Variants in LUZP2 observed in about 807,000 individuals in gnomAD.
The protein encoded by LUZP2 is leucine zipper protein 2.
LUZP2 carries 52 observed loss-of-function variants against 51.6 expected under a neutral mutation model. The observed-to-expected ratio is 1.01, with a 90% CI of 0.81 to 1.27. LUZP2 has a LOEUF of 1.27. LUZP2 is among the 50% of genes most tolerant of loss of function. LUZP2 has a pLI of 0.00. For missense variants in LUZP2, 436 were observed against 395.4 expected (o/e 1.10, Z -0.87); for synonymous variants, 154 against 137.3 (o/e 1.12, Z -0.85).
intron 1 of LUZP2, among the ~76,000 whole-genome samples, chr11:24,627,958 A>T (rs1854741253): frequency 6.6e-6 from 1 of 152,206 alleles, no homozygotes. Flanking sequence ...GGCTAATCAT[A>T]ATCAGAGCTA....
intron 1 of LUZP2, among the ~76,000 whole-genome samples, chr11:24,652,050 GTATA>G (rs1293898706): frequency 1.4e-5 from 2 of 145,838 alleles, no homozygotes; most frequent in Non-Finnish European, 1.5e-5. Context: ...TACACATGTT[GTATA>G]TGTGTGTACA....
chr11:24,676,319 C>T (rs764729744), intron 1 of LUZP2, among the ~76,000 whole-genome samples: 5 of 152,144 alleles, frequency 3.3e-5, no homozygotes, highest in Non-Finnish European at 5.9e-5. Flanking sequence ...GATGTAGCTT[C>T]GGAAAAATCA....
At chr11:24,863,508 A>G (rs1851799890) in intron 5 of LUZP2, among the ~76,000 whole-genome samples, 1 of 152,068 alleles carries the variant, frequency 6.6e-6, no homozygotes, top group Non-Finnish European at 1.5e-5. Context: ...GCAAGTGCAT[A>G]CAGACAAAAA....
chr11:25,030,732 A>C (rs1415306613), intron 9 of LUZP2, among the ~76,000 whole-genome samples: 1 of 149,966 alleles, frequency 6.7e-6, no homozygotes, highest in African/African-American at 2.4e-5. Flanking sequence ...TTGAGATATG[A>C]CTATGTATTT....
At chr11:24,844,627 C>T (rs1190747176) in intron 5 of LUZP2, among the ~76,000 whole-genome samples, 1 of 152,084 alleles carries the variant, frequency 6.6e-6, no homozygotes, top group Non-Finnish European at 1.5e-5. Context: ...TTAACAGCAG[C>T]CCATCCCATC....
At chr11:24,689,229 T>A (rs920691031) in intron 1 of LUZP2, among the ~76,000 whole-genome samples, 2 of 151,784 alleles carry the variant, frequency 1.3e-5, no homozygotes, top group Non-Finnish European at 3.0e-5. Context: ...AGGTTTGCAT[T>A]TTTTTCCCCC....
chr11:24,879,773 G>A (rs1173232508), intron 5 of LUZP2, among the ~76,000 whole-genome samples: 2 of 152,034 alleles, frequency 1.3e-5, no homozygotes, highest in African/African-American at 2.4e-5. Flanking sequence ...GGCTGGAAAG[G>A]GAGCCTCACA....
chr11:24,567,337 A>T (rs186391142), intron 1 of LUZP2, among the ~76,000 whole-genome samples: 8 of 152,242 alleles, frequency 5.3e-5, no homozygotes, highest in African/African-American at 1.9e-4. Flanking sequence ...ACAGAGGCTT[A>T]ATGAAATTTG....
chr11:25,063,849 C>T (rs1042840743), intron 10 of LUZP2, among the ~76,000 whole-genome samples: 2 of 151,712 alleles, frequency 1.3e-5, no homozygotes, highest in South Asian at 2.1e-4. Context: ...CACAAAAATT[C>T]CATGAATACA....
At chr11:24,867,259 G>GCC (rs1289631971) in intron 5 of LUZP2, among the ~76,000 whole-genome samples, 1 of 152,010 alleles carries the variant, frequency 6.6e-6, no homozygotes, top group Non-Finnish European at 1.5e-5. Context: ...TAGGTTTGTA[G>GCC]CCCCCCAGGG....
intron 4 of LUZP2, among the ~76,000 whole-genome samples, chr11:24,758,020 T>A (rs11822911): frequency 0.029 from 4,477 of 152,198 alleles, 80 homozygotes; most frequent in African/African-American, 0.048. Flanking sequence ...TGCAAGTATT[T>A]TGTGGAAAAT....
chr11:24,552,660 G>A (rs1010655839), intron 1 of LUZP2, among the ~76,000 whole-genome samples: 9 of 151,744 alleles, frequency 5.9e-5, no homozygotes, highest in African/African-American at 1.9e-4. Context: ...CTATAACAGC[G>A]AACATAAAAT....
chr11:24,833,712 G>GCGCACA (rs112834221), intron 5 of LUZP2, among the ~76,000 whole-genome samples: 67 of 147,234 alleles, frequency 4.6e-4, no homozygotes, highest in African/African-American at 1.4e-3. Context: ...CCGCGCGCGC[G>GCGCACA]CACACACACA....
chr11:24,888,590 A>C (rs970883640), intron 5 of LUZP2, among the ~76,000 whole-genome samples: 1 of 152,162 alleles, frequency 6.6e-6, no homozygotes, highest in Non-Finnish European at 1.5e-5. Context: ...ATTTTTAGGC[A>C]GATCTGACAC....
Position 24,762,291 on chromosome 11 carries a change from G to T in LUZP2, c.334-955G>T, listed in dbSNP as rs563281389. 4.6e-5 allele frequency among the ~76,000 whole-genome samples: 7 copies of T among 152,218 alleles called. No homozygotes were observed. The South Asian group carries it at 1.4e-3, about 32-fold the overall frequency. On this transcript the variant is annotated intron_variant, in intron 4 of 11. Coordinates refer to ENST00000336930, the MANE Select transcript of LUZP2 (RefSeq NM_001009909.4). ...TAAGAATACATTGTTCAATGCATGA[G>T]GCTATTGAGCATTAGAAATATGACT...
chr11:24,848,860 A>G lies in LUZP2; in HGVS notation c.397-57131A>G, dbSNP rs149166895. 3.8e-3 allele frequency among the ~76,000 whole-genome samples: 582 copies of G among 152,296 alleles called. 1 individual carries two copies. Among genetic ancestry groups the G allele is most frequent in the African/African-American group, 0.013 (532 of 41,558 alleles). ...ACACAAAAACCATAATATCATCTCA[A>G]TAAGTGCAGAAAAAGCATTTAATAT... On this transcript the variant is annotated intron_variant, in intron 5 of 11. Transcript: ENST00000336930.
At chr11:24,572,722 C>A (rs1374809070) in intron 1 of LUZP2, among the ~76,000 whole-genome samples, 4 of 151,948 alleles carry the variant, frequency 2.6e-5, no homozygotes, top group Non-Finnish European at 4.4e-5. Flanking sequence ...ATCCTCAGTG[C>A]CTAATCATTC....
chr11:24,962,265 A>G (rs564525013), intron 7 of LUZP2, among the ~76,000 whole-genome samples: 1 of 151,494 alleles, frequency 6.6e-6, no homozygotes, highest in Non-Finnish European at 1.5e-5. Context: ...AGCAACTCCT[A>G]CTTCTTTGTG....
At chr11:24,799,284 A>C (rs1025962278) in intron 5 of LUZP2, among the ~76,000 whole-genome samples, 1 of 152,182 alleles carries the variant, frequency 6.6e-6, no homozygotes, top group Admixed American at 6.5e-5. Flanking sequence ...GGAAGAAACC[A>C]GTACAACTTC....
Sources: gnomAD v4.1 joint callset for allele counts (sites outside exome capture counted in the v4.1 genomes callset) on GRCh38, gnomAD v4.1.1 for gene constraint, MANE v1.5 for transcripts, NCBI Gene and HGNC (gene_info 2026-07-23, HGNC 2026-07-21) for gene names.